LHFPL2: variants seen among roughly 807,000 people sequenced by gnomAD.
LHFPL2 encodes the protein LHFPL tetraspan subfamily member 2 protein.
Under a neutral mutation model 17.5 loss-of-function variants are expected in LHFPL2, and 7 were observed. The ratio of observed to expected loss-of-function variants is 0.40; its 90% CI spans 0.23 to 0.75. LHFPL2 has a LOEUF of 0.75. Ranked by LOEUF, LHFPL2 falls within the 30% of genes least tolerant of loss-of-function variation. The pLI, the probability that LHFPL2 is intolerant of heterozygous loss-of-function variation, is 0.37. For synonymous variants in LHFPL2, 134 were observed against 116.2 expected, an observed-to-expected ratio of 1.15 and a Z score of -0.99; for missense variants, 241 against 294.8, an observed-to-expected ratio of 0.82 and a Z score of 1.34.
At chr5:78,551,063 A>T (rs1405476535) in intron 3 of LHFPL2, among the ~76,000 whole-genome samples, 3 of 152,208 alleles carry the variant, frequency 2.0e-5, no homozygotes, top group African/African-American at 7.2e-5. Flanking sequence ...ACATCCTACC[A>T]TTCCTTCTTG....
chr5:78,613,898 T>G (rs1484362133), intron 2 of LHFPL2, among the ~76,000 whole-genome samples: 1 of 152,112 alleles, frequency 6.6e-6, no homozygotes, highest in African/African-American at 2.4e-5. Flanking sequence ...AAAGGACTGA[T>G]TATATGAAGG....
At chr5:78,490,413 C>CCCCCCCAGAT (rs1410773822) in intron 4 of LHFPL2, among the ~76,000 whole-genome samples, 2 of 151,986 alleles carry the variant, frequency 1.3e-5, no homozygotes, top group East Asian at 3.9e-4. Context: ...GCAACCTAGG[C>CCCCCCCAGAT]CCCCCCAGAT....
chr5:78,591,826 A>C (rs1226150287), intron 2 of LHFPL2, among the ~76,000 whole-genome samples: 1 of 152,254 alleles, frequency 6.6e-6, no homozygotes, highest in Non-Finnish European at 1.5e-5. Flanking sequence ...CAGCAAGAGC[A>C]AACACAAGGC....
intron 2 of LHFPL2, among the ~76,000 whole-genome samples, chr5:78,580,952 C>G (rs1423213225): frequency 6.6e-6 from 1 of 152,182 alleles, no homozygotes; most frequent in Non-Finnish European, 1.5e-5. Flanking sequence ...TGGCCATTTT[C>G]ACGATATTGA....
rs201790643 is a variant in LHFPL2 at position 78,607,786 on chromosome 5, G to GT, written c.-245+24477dup. Among the ~76,000 whole-genome samples the GT allele has an allele frequency of 3.4e-3, 515 of 152,162 alleles. 4 individuals carry two copies. The highest frequency in any genetic ancestry group is 0.012 in the African/African-American group (501 of 41,506). The stretch of plus-strand genomic sequence containing the variant: ...GTAAGTTTACAAAGAAAAGTGGTAG[G>GT]TTTTTTTTCCCCTAAGCCGAAGGTA... On this transcript the variant is annotated intron_variant, in intron 2 of 4. Transcript: ENST00000380345.
chr5:78,489,774 TTTA>T (rs1754375392), intron 4 of LHFPL2, among the ~76,000 whole-genome samples: 2 of 152,252 alleles, frequency 1.3e-5, no homozygotes, highest in South Asian at 4.1e-4. Context: ...AAATGTTAAC[TTTA>T]TAAGTAAAGT....
intron 3 of LHFPL2, among the ~76,000 whole-genome samples, chr5:78,558,048 CATG>C (rs1431719050): frequency 3.3e-5 from 5 of 152,182 alleles, no homozygotes; most frequent in Non-Finnish European, 7.3e-5. Flanking sequence ...GTTAGGGAGT[CATG>C]ATGACGTTTC....
At position 78,509,833 on chromosome 5, in the gene LHFPL2, G is replaced by T. The variant is rs912297491; in HGVS notation, c.381C>A (p.Ile127=). 6.2e-7 allele frequency: 1 copy of T among 1,613,986 alleles called. No individual in the cohort carries two copies. Among genetic ancestry groups the T allele is most frequent in the Admixed American group, 1.7e-5 (1 of 60,014 alleles). Residue 127 remains isoleucine (I), a synonymous_variant, in exon 4 of 5, where the codon ATC becomes ATA. Transcript: ENST00000380345. ...VSVFTMCVQS[I]MKKSIFNVCG... is the part of the protein sequence containing the mutation. ...AGACATTGAAGATGCTTTTCTTCAT[G>T]ATGCTCTGTACACACATGGTGAAGA...
chr5:78,611,506 G>A (rs993111647), intron 2 of LHFPL2, among the ~76,000 whole-genome samples: 1 of 152,192 alleles, frequency 6.6e-6, no homozygotes, highest in African/African-American at 2.4e-5. Flanking sequence ...AGTCCCGCCA[G>A]AATCCTGGGG....
chr5:78,572,499 TATATATATATATACACACAC>T (rs1051294370), intron 2 of LHFPL2, among the ~76,000 whole-genome samples: 14 of 41,682 alleles, frequency 3.4e-4, no homozygotes, highest in Middle Eastern at 0.013. Flanking sequence ...TATATGTGTG[TATATATATATATACACACAC>T]ATATATATAT....
intron 4 of LHFPL2, among the ~76,000 whole-genome samples, chr5:78,500,665 A>T (rs1416238899): frequency 6.6e-6 from 1 of 152,208 alleles, no homozygotes; most frequent in African/African-American, 2.4e-5. Flanking sequence ...TGAATAAATA[A>T]AAGTAATATA....
chr5:78,550,759 C>T (rs1756416989), intron 3 of LHFPL2, among the ~76,000 whole-genome samples: 1 of 151,944 alleles, frequency 6.6e-6, no homozygotes, highest in Non-Finnish European at 1.5e-5. Context: ...TTGGTAGACA[C>T]GAGGTTTTGC....
intron 2 of LHFPL2, among the ~76,000 whole-genome samples, chr5:78,582,343 G>T (rs1743178477): frequency 6.7e-6 from 1 of 150,242 alleles, no homozygotes. Context: ...GAATGTGTTT[G>T]CTCTTGCTTT....
intron 1 of LHFPL2, among the ~76,000 whole-genome samples, chr5:78,636,949 T>C (rs965298660): frequency 6.6e-6 from 1 of 152,000 alleles, no homozygotes; most frequent in Non-Finnish European, 1.5e-5. Flanking sequence ...AGCAAGTATC[T>C]AGGAGGCCAA....
At chr5:78,508,059 C>T (rs1754987798) in intron 4 of LHFPL2, among the ~76,000 whole-genome samples, 2 of 152,056 alleles carry the variant, frequency 1.3e-5, no homozygotes, top group Admixed American at 1.3e-4. Context: ...TCTTGAAACC[C>T]ACCTTTAATA....
intron 3 of LHFPL2, among the ~76,000 whole-genome samples, chr5:78,555,547 T>G (rs1975427): frequency 0.4 from 61,357 of 151,864 alleles, 12,640 homozygotes; most frequent in Middle Eastern, 0.49. Context: ...GGGAAAGAGG[T>G]ATTTCTGGTA....
chr5:78,562,634 C>CA (rs35163869), intron 3 of LHFPL2, among the ~76,000 whole-genome samples: 34,843 of 112,708 alleles, frequency 0.31, 4,433 homozygotes, highest in Admixed American at 0.39. Flanking sequence ...GATTCCACCT[C>CA]AAAAAAAAAA....
At chr5:78,639,859 T>C (rs543508677) in intron 1 of LHFPL2, among the ~76,000 whole-genome samples, 4 of 152,388 alleles carry the variant, frequency 2.6e-5, no homozygotes, top group South Asian at 2.1e-4. Flanking sequence ...TTGCCCTTAA[T>C]AAGTGTGTGC....
At chr5:78,560,058 G>T (rs1253517624) in intron 3 of LHFPL2, among the ~76,000 whole-genome samples, 1 of 152,140 alleles carries the variant, frequency 6.6e-6, no homozygotes, top group Non-Finnish European at 1.5e-5. Context: ...CACAATCAAA[G>T]AATTTTAACA....
Sources: gnomAD v4.1 joint callset for allele counts (sites outside exome capture counted in the v4.1 genomes callset) on GRCh38, gnomAD v4.1.1 for gene constraint, MANE v1.5 for transcripts, NCBI Gene and HGNC (gene_info 2026-07-23, HGNC 2026-07-21) for gene names.